Variants in GABBR2 observed in about 807,000 individuals in gnomAD.
GABBR2 encodes the protein G-protein coupled receptor 51.
GABBR2 carries 23 observed loss-of-function variants against 105.6 expected under a neutral mutation model. The observed-to-expected ratio is 0.22, with a 90% CI of 0.16 to 0.31. GABBR2 has a LOEUF of 0.31. GABBR2 is among the 10% of genes least tolerant of loss of function. The probability of loss-of-function intolerance (pLI) is 1.00; values close to 1 mark genes in which losing one functional copy is unlikely to be tolerated. For synonymous variants in GABBR2, 478 were observed against 499.7 expected (o/e 0.96, Z 0.58); for missense variants, 734 against 1,245.5 (o/e 0.59, Z 6.18).
At chr9:98,668,155 C>G (rs578068118) in intron 1 of GABBR2, among the ~76,000 whole-genome samples, 1 of 152,336 alleles carries the variant, frequency 6.6e-6, no homozygotes, top group East Asian at 1.9e-4. Context: ...CGTCCGTCCT[C>G]TTTTGGCCAC....
At chr9:98,385,142 C>T (rs1007431987) in intron 11 of GABBR2, among the ~76,000 whole-genome samples, 4 of 152,154 alleles carry the variant, frequency 2.6e-5, no homozygotes, top group Admixed American at 2.0e-4. Context: ...TATTTTTCCC[C>T]TCCTTTTCTA....
rs528587986 is a variant in GABBR2 at position 98,418,587 on chromosome 9, AAAC to A, written c.1237-12449_1237-12447del. On this transcript the variant is annotated intron_variant, in intron 7 of 18. Coordinates refer to ENST00000259455, the MANE Select transcript of GABBR2 (RefSeq NM_005458.8). ...CCAAAAATCCAAAAAACAAAAAACAAAACAACAACAACACAATATGTATATATG... is the reference window on the plus strand; with the variant it reads ...CCAAAAATCCAAAAAACAAAAAACAAAACAACAACACAATATGTATATATG... 3.3e-3 allele frequency among the ~76,000 whole-genome samples: 507 copies of A among 152,230 alleles called. 2 individuals are homozygous for A. The highest frequency in any genetic ancestry group is 5.6e-3 in the Non-Finnish European group (379 of 67,994).
intron 3 of GABBR2, among the ~76,000 whole-genome samples, chr9:98,512,987 G>T (rs200586859): frequency 1.3e-5 from 2 of 150,670 alleles, no homozygotes; most frequent in African/African-American, 4.9e-5. Context: ...GAGGCATCAC[G>T]CTACCTGACT....
chr9:98,319,679 G>A (rs6478667), intron 13 of GABBR2, among the ~76,000 whole-genome samples: 26,011 of 151,926 alleles, frequency 0.17, 3,307 homozygotes, highest in African/African-American at 0.36. Flanking sequence ...TCTCCCTCCC[G>A]TCTCCCCATT....
chr9:98,700,031 G>A (rs1221217010), intron 1 of GABBR2, among the ~76,000 whole-genome samples: 2 of 152,122 alleles, frequency 1.3e-5, no homozygotes, highest in Admixed American at 1.3e-4. Flanking sequence ...GACCAACCAG[G>A]TGCCTGGAGA....
intron 9 of GABBR2, among the ~76,000 whole-genome samples, chr9:98,393,025 T>C (rs1588137623): frequency 1.4e-5 from 1 of 71,148 alleles, no homozygotes; most frequent in African/African-American, 4.7e-5. Context: ...CATCCATGCA[T>C]CCACCCATCC....
At chr9:98,494,801 G>A (rs962922907) in intron 4 of GABBR2, among the ~76,000 whole-genome samples, 4 of 152,240 alleles carry the variant, frequency 2.6e-5, no homozygotes, top group Admixed American at 6.5e-5. Flanking sequence ...TGCTACTTCT[G>A]TTGGAGTTGG....
intron 1 of GABBR2, among the ~76,000 whole-genome samples, chr9:98,601,724 C>T (rs142316290): frequency 2.9e-4 from 44 of 152,244 alleles, no homozygotes; most frequent in African/African-American, 1.0e-3. Flanking sequence ...GCACCATGGT[C>T]TCTTGAAGCT....
At chr9:98,699,845 A>G (rs1830805162) in intron 1 of GABBR2, among the ~76,000 whole-genome samples, 1 of 152,216 alleles carries the variant, frequency 6.6e-6, no homozygotes, top group Non-Finnish European at 1.5e-5. Context: ...CACCAGCCTC[A>G]CTGTGCACTG....
In GABBR2 at chr9:98,349,344, G is replaced by GTTTTT. The variant is rs1564026872; in HGVS notation, c.1893+13370_1893+13371insAAAAA. Among the ~76,000 whole-genome samples the GTTTTT allele has an allele frequency of 2.1e-3, 220 of 105,468 alleles. 44 individuals are homozygous for GTTTTT. The highest frequency in any genetic ancestry group is 0.016 in the Middle Eastern group (3 of 188). 69.2% of individuals were successfully genotyped at this position (105,468 alleles called of 152,430 possible). On this transcript the variant is annotated intron_variant, in intron 13 of 18. Coordinates refer to ENST00000259455, the MANE Select transcript of GABBR2 (RefSeq NM_005458.8). ...TTTGGTTTGCCAATATTTTGTTGAA[G>GTTTTT]TTTTGTTTTTTTTTTTTTTTTTTTT...
intron 2 of GABBR2, 108 bp from the exon 3 acceptor site, chr9:98,542,151 C>A: frequency 1.2e-6 from 1 of 807,144 alleles, no homozygotes; most frequent in Admixed American, 2.8e-5. Flanking sequence ...AGAGCATAAA[C>A]ACACAGGGAC....
chr9:98,475,358 AG>A (rs1221493289), intron 5 of GABBR2, among the ~76,000 whole-genome samples: 3,588 of 151,302 alleles, frequency 0.024, 147 homozygotes, highest in African/African-American at 0.083. Flanking sequence ...AAAAAAAAAA[AG>A]AAAAGAAAAG....
At chr9:98,474,990 C>CT (rs1027997464) in intron 5 of GABBR2, among the ~76,000 whole-genome samples, 7 of 152,098 alleles carry the variant, frequency 4.6e-5, no homozygotes, top group Admixed American at 1.3e-4. Context: ...CTCAGATCCC[C>CT]TCTCTGTGGT....
chr9:98,696,219 A>G (rs1284367761), intron 1 of GABBR2, among the ~76,000 whole-genome samples: 1 of 152,270 alleles, frequency 6.6e-6, no homozygotes, highest in East Asian at 1.9e-4. Flanking sequence ...GAAAGGTGGC[A>G]AGAACATTCC....
chr9:98,426,399 T>G (rs796583293), intron 7 of GABBR2, among the ~76,000 whole-genome samples: 2 of 152,224 alleles, frequency 1.3e-5, no homozygotes, highest in Admixed American at 1.3e-4. Flanking sequence ...AGTGTGTGTA[T>G]GCACACGTGT....
chr9:98,320,246 A>G (rs1300336385), intron 13 of GABBR2, among the ~76,000 whole-genome samples: 2 of 151,872 alleles, frequency 1.3e-5, no homozygotes, highest in Non-Finnish European at 2.9e-5. Context: ...ATCACTGGCC[A>G]TCAGAGAAAT....
chr9:98,518,495 C>T (rs1827804391), intron 3 of GABBR2, among the ~76,000 whole-genome samples: 1 of 152,130 alleles, frequency 6.6e-6, no homozygotes, highest in Non-Finnish European at 1.5e-5. Context: ...CCCTTTAAGC[C>T]CTATGGTAAA....
At chr9:98,308,111 G>GTAAT in intron 14 of GABBR2, among the ~76,000 whole-genome samples, 1 of 152,294 alleles carries the variant, frequency 6.6e-6, no homozygotes, top group African/African-American at 2.4e-5. Flanking sequence ...GTGCATGCCT[G>GTAAT]TAATTTTAGC....
chr9:98,488,237 C>A (rs1163499824), intron 4 of GABBR2, among the ~76,000 whole-genome samples: 1 of 152,264 alleles, frequency 6.6e-6, no homozygotes, highest in South Asian at 2.1e-4. Flanking sequence ...ATTTTCACAG[C>A]AGCAATGGGA....
Sources: gnomAD v4.1 joint callset for allele counts (sites outside exome capture counted in the v4.1 genomes callset) on GRCh38, gnomAD v4.1.1 for gene constraint, MANE v1.5 for transcripts, NCBI Gene and HGNC (gene_info 2026-07-23, HGNC 2026-07-21) for gene names.